Variants in FOXN2 observed in about 807,000 individuals in gnomAD.
FOXN2 encodes the protein forkhead box protein N2.
In FOXN2, 19 loss-of-function variants were observed where a neutral mutation model predicts 41.2. The observed-to-expected ratio is 0.46, with a 90% CI of 0.32 to 0.68. The LOEUF is 0.68. FOXN2 is among the 30% of genes least tolerant of loss of function. FOXN2 has a pLI of 0.03. For missense variants in FOXN2, 587 were observed against 509.4 expected (o/e 1.15, Z -1.47); for synonymous variants, 195 against 176.8 (o/e 1.10, Z -0.82).
Position 48,357,012 on chromosome 2 carries a change from T to C in FOXN2, c.538-2035T>C, listed in dbSNP as rs79980894. Among the ~76,000 whole-genome samples, 672 of 152,290 alleles carry C rather than the reference T, an allele frequency of 4.4e-3. 5 individuals are homozygous for C. Among genetic ancestry groups the C allele is most frequent in the Non-Finnish European group, 4.5e-3 (303 of 68,010 alleles). On this transcript the variant is annotated intron_variant, in intron 3 of 6. Transcript: ENST00000340553. ...ATTCTCTCATCTAAGCCCAATAATATAGGACCAAAGCTTTTAAGTGGAAAA... is the reference window on the plus strand; with the variant it reads ...ATTCTCTCATCTAAGCCCAATAATACAGGACCAAAGCTTTTAAGTGGAAAA...
rs1673385819 is a variant in FOXN2, at chr2:48,378,569, G to C, written c.*3126G>C. ...ACAGATGTGAATACTTCACAAAGCT[G>C]TAAAGACCATTGTCTTAAATACTAC... On this transcript the variant is annotated 3_prime_UTR_variant, in exon 7 of 7. Transcript: ENST00000340553. 1 of 152,344 alleles carries C rather than the reference G, an allele frequency of 6.6e-6. No homozygotes were observed. The highest frequency in any genetic ancestry group is 2.4e-5 in the African/African-American group (1 of 41,384). The allele number at this position is 152,344 out of a possible 1,614,324, so 9.4% of individuals were successfully genotyped here.
intron 2 of FOXN2, among the ~76,000 whole-genome samples, chr2:48,331,083 T>C (rs181970424): frequency 1.3e-5 from 2 of 152,286 alleles, no homozygotes; most frequent in Admixed American, 6.5e-5. Flanking sequence ...AACAGCACAA[T>C]TGATGTTCTT....
At chr2:48,363,732 A>G (rs762034786) in intron 5 of FOXN2, among the ~76,000 whole-genome samples, 2 of 152,184 alleles carry the variant, frequency 1.3e-5, no homozygotes, top group African/African-American at 2.4e-5. Context: ...ACCATTTGTG[A>G]TACAATTACC....
At chr2:48,353,004 A>G (rs900453029) in intron 3 of FOXN2, among the ~76,000 whole-genome samples, 10 of 152,266 alleles carry the variant, frequency 6.6e-5, no homozygotes, top group African/African-American at 2.4e-4. Flanking sequence ...AAATTGAACT[A>G]TTATATAAGT....
chr2:48,375,259 C>G lies in FOXN2; in HGVS notation c.1112C>G (p.Pro371Arg). 6.2e-7 allele frequency: 1 copy of G among 1,614,020 alleles called. No individual in the cohort carries two copies. Among genetic ancestry groups the G allele is most frequent in the Non-Finnish European group, 8.5e-7 (1 of 1,179,998 alleles). ...PLGDSGYASQPCAKISEKGQS... is the reference protein window; with the variant it reads ...PLGDSGYASQRCAKISEKGQS... ...GGAGACAGTGGCTATGCATCACAGC[C>G]TTGTGCAAAAATCTCTGAAAAAGGG... The change falls in exon 7 of 7, where the codon CCT becomes CGT. Residue 371 changes from proline to arginine, a missense_variant. Pro to Arg is a moderately radical substitution (Grantham distance 103). Coordinates refer to ENST00000340553, the MANE Select transcript of FOXN2 (RefSeq NM_002158.4).
intron 2 of FOXN2, among the ~76,000 whole-genome samples, chr2:48,342,396 AG>A (rs141389325): frequency 0.12 from 18,327 of 152,104 alleles, 1,300 homozygotes; most frequent in African/African-American, 0.2. Flanking sequence ...TGGGTTGGGA[AG>A]GGAATATCTT....
At chr2:48,358,630 C>T (rs542218992) in intron 3 of FOXN2, among the ~76,000 whole-genome samples, 4 of 152,204 alleles carry the variant, frequency 2.6e-5, no homozygotes, top group African/African-American at 9.6e-5. Flanking sequence ...GAGATCATCA[C>T]ATTAAATCTT....
intron 1 of FOXN2, among the ~76,000 whole-genome samples, chr2:48,320,132 C>T (rs1669200652): frequency 6.6e-6 from 1 of 151,920 alleles, no homozygotes; most frequent in Admixed American, 6.6e-5. Context: ...TTGACTGCAC[C>T]ATGCCTTTGT....
intron 2 of FOXN2, among the ~76,000 whole-genome samples, chr2:48,336,027 CA>C (rs199617210): frequency 0.016 from 1,475 of 91,190 alleles, 19 homozygotes; most frequent in African/African-American, 0.05. Flanking sequence ...GACTCTGTCT[CA>C]AAAAAAAAAA....
intron 3 of FOXN2, among the ~76,000 whole-genome samples, chr2:48,350,632 G>C (rs1429620646): frequency 6.6e-6 from 1 of 151,482 alleles, no homozygotes; most frequent in Non-Finnish European, 1.5e-5. Flanking sequence ...GAACATGGAT[G>C]ATCTTTGCCT....
At position 48,346,336 on chromosome 2, in the gene FOXN2, G is replaced by T. The variant is rs756264878; in HGVS notation, c.122G>T (p.Arg41Met). 6 of 1,614,076 alleles carry T rather than the reference G, an allele frequency of 3.7e-6. No individual in the cohort carries two copies. Among genetic ancestry groups the T allele is most frequent in the Non-Finnish European group, 5.1e-6 (6 of 1,180,044 alleles). ...TTGCCTGAAGCTGTTGATGCTGCCA[G>T]GCCGAAGGCCACTCTAGTGGACAGT... Reference protein sequence around the residue: ...GSLPEAVDAARPKATLVDSES... With the variant: ...GSLPEAVDAAMPKATLVDSES... Residue 41 changes from arginine (R) to methionine (M), a missense_variant, in exon 3 of 7, where the codon AGG becomes ATG. Transcript: ENST00000340553.
At chr2:48,367,748 T>C (rs72820436) in intron 5 of FOXN2, among the ~76,000 whole-genome samples, 17,804 of 152,302 alleles carry the variant, frequency 0.12, 1,493 homozygotes, top group East Asian at 0.46. Flanking sequence ...AACTAGTGTC[T>C]GAATTGTTTT....
chr2:48,326,803 A>T (rs139943734), intron 1 of FOXN2, among the ~76,000 whole-genome samples: 4 of 152,318 alleles, frequency 2.6e-5, no homozygotes, highest in African/African-American at 9.6e-5. Context: ...TATAAGATAT[A>T]TATGAAACAT....
intron 3 of FOXN2, among the ~76,000 whole-genome samples, chr2:48,358,817 G>A (rs1386520451): frequency 6.6e-6 from 1 of 152,112 alleles, no homozygotes; most frequent in Non-Finnish European, 1.5e-5. Context: ...AAAACCAGAA[G>A]CTAATAACAT....
intron 5 of FOXN2, among the ~76,000 whole-genome samples, chr2:48,365,600 T>C (rs1305127290): frequency 6.6e-6 from 1 of 152,226 alleles, no homozygotes; most frequent in East Asian, 1.9e-4. Flanking sequence ...TTTCATTTAC[T>C]AGGGCACAGG....
intron 3 of FOXN2, among the ~76,000 whole-genome samples, chr2:48,356,278 T>C (rs1211123353): frequency 1.3e-5 from 2 of 152,102 alleles, no homozygotes; most frequent in Non-Finnish European, 2.9e-5. Context: ...CTGTCTCTAC[T>C]AAAAATACAA....
At chr2:48,314,228 A>G (rs370366330), upstream of FOXN2, among the ~76,000 whole-genome samples, 33 of 152,354 alleles carry the variant, frequency 2.2e-4, no homozygotes, top group South Asian at 6.4e-3. Flanking sequence ...CGAGGGCCGT[A>G]CTGCCCTGCG....
intron 4 of FOXN2, among the ~76,000 whole-genome samples, chr2:48,359,679 T>G (rs1672049302): frequency 2.0e-5 from 3 of 152,070 alleles, no homozygotes; most frequent in Admixed American, 2.0e-4. Context: ...TTCCTTATGG[T>G]CTAATTTGTG....
intron 2 of FOXN2, among the ~76,000 whole-genome samples, chr2:48,341,482 A>G (rs1670769844): frequency 6.6e-6 from 1 of 152,188 alleles, no homozygotes; most frequent in South Asian, 2.1e-4. Context: ...ATAAATCTTA[A>G]TGAGAATACT....
Sources: allele counts gnomAD v4.1 joint callset (sites outside exome capture counted in the v4.1 genomes callset), GRCh38; gene constraint gnomAD v4.1.1; transcripts MANE v1.5; gene names NCBI Gene and HGNC (gene_info 2026-07-23, HGNC 2026-07-21).